Variants in SND1 observed in about 807,000 individuals in gnomAD.
SND1 encodes staphylococcal nuclease domain-containing protein 1.
In SND1, 38 loss-of-function variants were observed where a neutral mutation model predicts 121.7. The observed-to-expected ratio is 0.31, with a 90% CI of 0.24 to 0.41. The LOEUF is 0.41. SND1 is among the 10% of genes least tolerant of loss of function. The probability of loss-of-function intolerance (pLI) is 1.00; values close to 1 mark genes in which losing one functional copy is unlikely to be tolerated. For missense variants in SND1, 868 were observed against 1,184.6 expected (o/e 0.73, Z 3.92); for synonymous variants, 401 against 447.4 (o/e 0.90, Z 1.31).
intron 11 of SND1, among the ~76,000 whole-genome samples, chr7:127,838,884 CAT>C (rs1313662603): frequency 2.0e-5 from 3 of 152,304 alleles, no homozygotes; most frequent in Admixed American, 6.5e-5. Context: ...AAAATTAGTA[CAT>C]GTTTATCTAA....
At chr7:127,678,448 G>A (rs957082398) in intron 1 of SND1, among the ~76,000 whole-genome samples, 1 of 152,184 alleles carries the variant, frequency 6.6e-6, no homozygotes, top group East Asian at 1.9e-4. Flanking sequence ...GGGTCTGCAA[G>A]TGTATCCAGA....
chr7:127,975,807 G>A (rs942083451), intron 15 of SND1, among the ~76,000 whole-genome samples: 6 of 152,160 alleles, frequency 3.9e-5, no homozygotes, highest in African/African-American at 9.7e-5. Flanking sequence ...CGCCGAGCAC[G>A]CTACCCCGTT....
chr7:127,932,547 G>A (rs887229155), intron 15 of SND1, among the ~76,000 whole-genome samples: 9 of 152,228 alleles, frequency 5.9e-5, no homozygotes, highest in African/African-American at 1.9e-4. Flanking sequence ...ATCAGGGTTT[G>A]AGAGAATGGA....
At chr7:127,714,401 T>A (rs1796350294) in intron 9 of SND1, among the ~76,000 whole-genome samples, 1 of 152,180 alleles carries the variant, frequency 6.6e-6, no homozygotes, top group African/African-American at 2.4e-5. Context: ...CCCTGATAGT[T>A]TTTTGCTGTG....
At chr7:127,712,266 C>T (rs1352600169) in intron 9 of SND1, among the ~76,000 whole-genome samples, 3 of 152,124 alleles carry the variant, frequency 2.0e-5, no homozygotes, top group Admixed American at 2.0e-4. Context: ...TTAAGCGATC[C>T]TCGTGCCTCA....
intron 10 of SND1, among the ~76,000 whole-genome samples, chr7:127,734,498 G>A (rs1269775878): frequency 6.6e-6 from 1 of 152,198 alleles, no homozygotes; most frequent in Non-Finnish European, 1.5e-5. Flanking sequence ...AACTCGGTAA[G>A]GCAGAGAAAA....
intron 16 of SND1, among the ~76,000 whole-genome samples, chr7:128,033,940 A>G (rs1792700205): frequency 6.6e-6 from 1 of 152,204 alleles, no homozygotes; most frequent in Non-Finnish European, 1.5e-5. Flanking sequence ...TGTACTATCC[A>G]CCATACCAAG....
At chr7:127,790,933 A>G (rs1322301405) in intron 10 of SND1, among the ~76,000 whole-genome samples, 1 of 152,190 alleles carries the variant, frequency 6.6e-6, no homozygotes, top group African/African-American at 2.4e-5. Flanking sequence ...TTCAGCAAGC[A>G]GTTTGGAATA....
intron 9 of SND1, chr7:127,718,721 A>T: frequency 1.0e-6 from 1 of 985,444 alleles, no homozygotes; most frequent in South Asian, 4.7e-5. Context: ...GTTACAGGAC[A>T]TCCTTAGATC....
chr7:127,719,691 T>G (rs958925165), intron 9 of SND1, among the ~76,000 whole-genome samples: 1 of 152,186 alleles, frequency 6.6e-6, no homozygotes, highest in African/African-American at 2.4e-5. Flanking sequence ...ATTAAAAATT[T>G]CTCCTGATCT....
chr7:127,705,252 A>G (rs1356358247), intron 8 of SND1, among the ~76,000 whole-genome samples: 1 of 152,162 alleles, frequency 6.6e-6, no homozygotes, highest in African/African-American at 2.4e-5. Flanking sequence ...GACATTTGGA[A>G]TGTAATAAAC....
intron 12 of SND1, among the ~76,000 whole-genome samples, chr7:127,874,591 A>C (rs893935300): frequency 4.6e-5 from 7 of 152,082 alleles, no homozygotes; most frequent in Non-Finnish European, 8.8e-5. Context: ...ATTTTTTGTG[A>C]AATTTTGTTT....
intron 21 of SND1, among the ~76,000 whole-genome samples, chr7:128,089,216 G>C (rs1793735206): frequency 6.6e-6 from 1 of 152,118 alleles, no homozygotes; most frequent in Admixed American, 6.5e-5. Flanking sequence ...CCCATGCCCA[G>C]CTAATTTTTG....
chr7:127,663,411 C>T (rs1192275667), intron 1 of SND1, among the ~76,000 whole-genome samples: 6 of 149,198 alleles, frequency 4.0e-5, no homozygotes, highest in African/African-American at 1.2e-4. Context: ...CTCGCTCTGT[C>T]GCCAGGCTGG....
intron 11 of SND1, among the ~76,000 whole-genome samples, chr7:127,837,633 C>T (rs978278230): frequency 3.9e-5 from 6 of 152,238 alleles, no homozygotes; most frequent in African/African-American, 1.2e-4. Context: ...GCAGGACCAA[C>T]AGGCTCCTTA....
At chr7:127,960,295 G>A (rs560731684) in intron 15 of SND1, among the ~76,000 whole-genome samples, 4 of 152,266 alleles carry the variant, frequency 2.6e-5, no homozygotes, top group African/African-American at 9.6e-5. Flanking sequence ...CATCGTGTGG[G>A]ACTACCCGCA....
In SND1 at chr7:127,966,215, G is replaced by A. The variant is rs544721359; in HGVS notation, c.1670-24732G>A. Among the ~76,000 whole-genome samples the A allele has an allele frequency of 3.5e-4, 53 of 151,820 alleles. No homozygotes were observed. The South Asian group carries it at 0.011, about 31-fold the overall frequency. ...ATCCTTTCAAAAGCAGGTCCTGAGT[G>A]ACCTACAAAGAGCCTTAGACTCCCA... On this transcript the variant is annotated intron_variant, in intron 15 of 23. Coordinates refer to ENST00000354725, the MANE Select transcript of SND1 (RefSeq NM_014390.4).
intron 11 of SND1, among the ~76,000 whole-genome samples, chr7:127,818,537 C>T (rs1029600412): frequency 1.2e-4 from 18 of 152,210 alleles, no homozygotes; most frequent in Admixed American, 9.2e-4. Flanking sequence ...CTCTCAGCCC[C>T]TGGCTTGGGA....
intron 16 of SND1, among the ~76,000 whole-genome samples, chr7:127,995,919 C>CT (rs1802641615): frequency 6.6e-6 from 1 of 152,174 alleles, no homozygotes; most frequent in African/African-American, 2.4e-5. Flanking sequence ...TCGATGACCC[C>CT]TTTGTCCTTT....
Sources: gnomAD v4.1 joint callset for allele counts (sites outside exome capture counted in the v4.1 genomes callset) on GRCh38, gnomAD v4.1.1 for gene constraint, MANE v1.5 for transcripts, NCBI Gene and HGNC (gene_info 2026-07-23, HGNC 2026-07-21) for gene names.